Variants in PTPRT observed in about 807,000 individuals in gnomAD.
The protein encoded by PTPRT is receptor-type tyrosine-protein phosphatase T.
In PTPRT, 56 loss-of-function variants were observed where a neutral mutation model predicts 176.8. The ratio of observed to expected loss-of-function variants is 0.32; its 90% CI spans 0.26 to 0.40. The LOEUF is 0.40. Among genes scored for constraint, PTPRT ranks in the 10% least tolerant of loss-of-function variants. The pLI is 1.00. For synonymous variants in PTPRT, 783 were observed against 739.0 expected (o/e 1.06, Z -0.96); for missense variants, 1,540 against 1,908.2 (o/e 0.81, Z 3.60).
intron 7 of PTPRT, among the ~76,000 whole-genome samples, chr20:42,526,569 G>C (rs142819009): frequency 6.6e-6 from 1 of 152,256 alleles, no homozygotes; most frequent in East Asian, 1.9e-4. Flanking sequence ...AAAATTAGTA[G>C]TGATAAATTT....
At chr20:42,516,820 G>A (rs1021328051) in intron 7 of PTPRT, among the ~76,000 whole-genome samples, 1 of 152,030 alleles carries the variant, frequency 6.6e-6, no homozygotes, top group African/African-American at 2.4e-5. Context: ...AGAAACATTG[G>A]CAAATTCTCA....
intron 17 of PTPRT, among the ~76,000 whole-genome samples, chr20:42,151,142 TA>T (rs1343996576): frequency 1.3e-5 from 2 of 149,056 alleles, no homozygotes; most frequent in Non-Finnish European, 3.0e-5. Context: ...TTTTTTTTTT[TA>T]ATTTTACTTT....
chr20:42,460,151 C>T (rs943505973), intron 8 of PTPRT, among the ~76,000 whole-genome samples: 1 of 152,248 alleles, frequency 6.6e-6, no homozygotes, highest in Non-Finnish European at 1.5e-5. Context: ...GGATAAATGA[C>T]TCCGGAGGGC....
In PTPRT at chr20:42,416,170, G is replaced by A. The variant is rs566677933; in HGVS notation, c.1560+32050C>T. Among the ~76,000 whole-genome samples the A allele has an allele frequency of 2.9e-4, 44 of 152,282 alleles. No homozygotes were observed. In the South Asian group the frequency reaches 3.1e-3, roughly 11 times the overall value. Reference sequence around the variant, plus strand: ...CCAATGACAAGTGTCCTTATAAATGGAGAAGAGGAAAGACACACAGAGGAG... The same window carrying A: ...CCAATGACAAGTGTCCTTATAAATGAAGAAGAGGAAAGACACACAGAGGAG... On this transcript the variant is annotated intron_variant, in intron 9 of 30. Coordinates refer to ENST00000373187, the MANE Select transcript of PTPRT (RefSeq NM_007050.6).
intron 7 of PTPRT, among the ~76,000 whole-genome samples, chr20:42,637,016 G>A (rs1052786997): frequency 2.0e-5 from 3 of 152,042 alleles, no homozygotes; most frequent in African/African-American, 7.2e-5. Flanking sequence ...GGGATACAAT[G>A]AGGAGAGAGA....
intron 15 of PTPRT, among the ~76,000 whole-genome samples, chr20:42,218,186 G>T (rs995630859): frequency 5.3e-5 from 8 of 152,202 alleles, no homozygotes; most frequent in Admixed American, 1.3e-4. Context: ...CCATTAAAAT[G>T]ATGGAGGGCC....
chr20:42,336,152 T>C (rs560337283), intron 11 of PTPRT, among the ~76,000 whole-genome samples: 6 of 152,266 alleles, frequency 3.9e-5, no homozygotes, highest in South Asian at 2.1e-4. Context: ...AGAAGTAATA[T>C]ACCATTTGGC....
intron 2 of PTPRT, among the ~76,000 whole-genome samples, chr20:42,794,531 G>A (rs1438673726): frequency 6.6e-6 from 1 of 152,148 alleles, no homozygotes; most frequent in African/African-American, 2.4e-5. Context: ...CCAGCTGAAT[G>A]TCCCAGAGCT....
chr20:43,009,891 T>C (rs2146148248), intron 1 of PTPRT, among the ~76,000 whole-genome samples: 1 of 152,312 alleles, frequency 6.6e-6, no homozygotes, highest in African/African-American at 2.4e-5. Context: ...CCCAGCTGGC[T>C]GCAGAGCTGC....
chr20:42,203,611 T>A (rs1568668220), intron 15 of PTPRT, among the ~76,000 whole-genome samples: 1 of 152,214 alleles, frequency 6.6e-6, no homozygotes, highest in Admixed American at 6.5e-5. Context: ...AGAATTATAA[T>A]TTTCTCCTCT....
At chr20:42,516,177 CA>C (rs1218692586) in intron 7 of PTPRT, among the ~76,000 whole-genome samples, 4 of 151,210 alleles carry the variant, frequency 2.6e-5, no homozygotes, top group Non-Finnish European at 5.9e-5. Context: ...GTGGGTGCAG[CA>C]CACCAGCATG....
At chr20:42,640,259 T>C (rs1332445699) in intron 7 of PTPRT, among the ~76,000 whole-genome samples, 3 of 152,186 alleles carry the variant, frequency 2.0e-5, no homozygotes, top group Non-Finnish European at 2.9e-5. Context: ...TTGGTAGTTA[T>C]ATGAATCTAT....
At chr20:42,542,104 T>G (rs1423825022) in intron 7 of PTPRT, among the ~76,000 whole-genome samples, 1 of 152,194 alleles carries the variant, frequency 6.6e-6, no homozygotes, top group African/African-American at 2.4e-5. Flanking sequence ...TGCCACAAGG[T>G]AAGTTGTGTC....
At chr20:43,104,929 A>T (rs977213688) in intron 1 of PTPRT, among the ~76,000 whole-genome samples, 1 of 152,168 alleles carries the variant, frequency 6.6e-6, no homozygotes, top group Non-Finnish European at 1.5e-5. Flanking sequence ...AAATTATCCT[A>T]CAATTGTTTC....
chr20:42,662,392 G>A (rs557914202), intron 7 of PTPRT, among the ~76,000 whole-genome samples: 11 of 152,078 alleles, frequency 7.2e-5, no homozygotes, highest in Non-Finnish European at 1.5e-4. Context: ...GGACTCAGTA[G>A]GCCCCAACCT....
chr20:42,292,428 G>A (rs949970833), intron 12 of PTPRT, among the ~76,000 whole-genome samples: 3 of 152,008 alleles, frequency 2.0e-5, no homozygotes, highest in Non-Finnish European at 4.4e-5. Context: ...TGCCTCTTGG[G>A]TTCCAGTGAT....
chr20:42,556,869 T>A (rs1230341128), intron 7 of PTPRT, among the ~76,000 whole-genome samples: 1 of 152,172 alleles, frequency 6.6e-6, no homozygotes, highest in South Asian at 2.1e-4. Flanking sequence ...TCAATGTTCA[T>A]GAGGAAGCTG....
intron 7 of PTPRT, among the ~76,000 whole-genome samples, chr20:42,498,227 C>T (rs562710755): frequency 1.3e-5 from 2 of 152,136 alleles, no homozygotes; most frequent in African/African-American, 4.8e-5. Flanking sequence ...CTAAGCCCCC[C>T]AGTCAACTGA....
chr20:42,073,280 GT>G lies in PTPRT; in HGVS notation c.*7598del, dbSNP rs2146044701. 2 of 189,428 alleles carry G rather than the reference GT, an allele frequency of 1.1e-5. No homozygotes were observed. The highest frequency in any genetic ancestry group is 1.7e-4 in the East Asian group (2 of 11,782). 11.7% of individuals were successfully genotyped at this position (189,428 alleles called of 1,614,324 possible). ...TTTGTCTTTGATTGGCTAGTAGAAT[GT>G]AGGGTGAAAAGTGCTTTTGAGTATG... On this transcript the variant is annotated 3_prime_UTR_variant, in exon 31 of 31. Coordinates refer to ENST00000373187, the MANE Select transcript of PTPRT (RefSeq NM_007050.6).
Sources: gnomAD v4.1 joint callset for allele counts (sites outside exome capture counted in the v4.1 genomes callset) on GRCh38, gnomAD v4.1.1 for gene constraint, MANE v1.5 for transcripts, NCBI Gene and HGNC (gene_info 2026-07-23, HGNC 2026-07-21) for gene names.